RIPK4: variants seen among roughly 807,000 people sequenced by gnomAD.
RIPK4 encodes receptor interacting serine/threonine kinase 4.
Under a neutral mutation model 42.9 loss-of-function variants are expected in RIPK4, and 17 were observed. The observed-to-expected ratio is 0.40, with a 90% CI of 0.27 to 0.59. The LOEUF (loss-of-function observed/expected upper bound fraction) is 0.59, where lower values mean the gene tolerates loss of function less well. RIPK4 is among the 20% of genes least tolerant of loss of function. The probability of loss-of-function intolerance (pLI) is 0.47; values close to 1 mark genes in which losing one functional copy is unlikely to be tolerated. For synonymous variants in RIPK4, 498 were observed against 499.1 expected (o/e 1.00, Z 0.03); for missense variants, 897 against 1,104.4 (o/e 0.81, Z 2.66).
Position 41,740,522 on chromosome 21 carries a change from C to T in RIPK4, c.*316G>A, listed in dbSNP as rs1238730246. On this transcript the variant is annotated 3_prime_UTR_variant, in exon 8 of 8. Transcript: ENST00000332512. ...CCTCAGGAGAGAGTGGATGCTTCCA[C>T]GCCTGGGGCTTCATCACTGAGAGAC... The T allele has an allele frequency of 1.4e-5, 5 of 357,278 alleles. No individual in the cohort carries two copies. The highest frequency in any genetic ancestry group is 4.4e-5 in the Admixed American group (1 of 22,744). The allele number at this position is 357,278 out of a possible 1,614,324, so 22.1% of individuals were successfully genotyped here.
chr21:41,747,024 A>T (rs1258912737), intron 4 of RIPK4, among the ~76,000 whole-genome samples: 2 of 152,256 alleles, frequency 1.3e-5, no homozygotes, highest in Admixed American at 6.5e-5. Flanking sequence ...AGAAGGAGTC[A>T]GTGTGTTTGG....
chr21:41,752,014 A>C (rs1369189237), intron 2 of RIPK4, among the ~76,000 whole-genome samples: 1 of 151,658 alleles, frequency 6.6e-6, no homozygotes, highest in Non-Finnish European at 1.5e-5. Context: ...GTGACCTTGG[A>C]GCTCACTGGG....
Position 41,747,919 on chromosome 21 carries a change from G to A in RIPK4, c.674-1148C>T, listed in dbSNP as rs546183521. Among the ~76,000 whole-genome samples the A allele has an allele frequency of 2.3e-4, 35 of 152,296 alleles. No homozygotes were observed. In the South Asian group the frequency reaches 6.4e-3, roughly 28 times the overall value. On this transcript the variant is annotated intron_variant, in intron 4 of 7. Coordinates refer to ENST00000332512, the MANE Select transcript of RIPK4 (RefSeq NM_020639.3). Reference sequence around the variant, plus strand: ...GCGATGACCTTGAACAGTAGGACACGAATAATTCCCATATGATTAGCGTTC... The same window carrying A: ...GCGATGACCTTGAACAGTAGGACACAAATAATTCCCATATGATTAGCGTTC...
At chr21:41,754,768 G>C (rs139560894) in intron 2 of RIPK4, among the ~76,000 whole-genome samples, 1 of 151,698 alleles carries the variant, frequency 6.6e-6, no homozygotes, top group Non-Finnish European at 1.5e-5. Context: ...CCCAGCCTGC[G>C]GGCCACACAC....
chr21:41,749,315 G>A (rs144755780), intron 3 of RIPK4, 112 bp from the exon 4 acceptor site: 316 of 987,142 alleles, frequency 3.2e-4, no homozygotes, highest in Non-Finnish European at 4.0e-4. Flanking sequence ...TCCAAAGACA[G>A]AGCCATGACA....
rs576226127 is a variant in RIPK4 at position 41,749,995 on chromosome 21, G to A, written c.624-792C>T. Among the ~76,000 whole-genome samples, 11 of 151,700 alleles carry A rather than the reference G, an allele frequency of 7.3e-5. No homozygotes were observed. The South Asian group carries it at 2.1e-3, about 29-fold the overall frequency. On this transcript the variant is annotated intron_variant, in intron 3 of 7. Transcript: ENST00000332512. ...GTTTATAGACAACGAATTCACCATCGAAAATTAGTTCAAACGGCAGGTTCA... is the reference window on the plus strand; with the variant it reads ...GTTTATAGACAACGAATTCACCATCAAAAATTAGTTCAAACGGCAGGTTCA...
At chr21:41,743,602 A>G (rs563772895) in intron 7 of RIPK4, among the ~76,000 whole-genome samples, 67 of 152,284 alleles carry the variant, frequency 4.4e-4, no homozygotes, top group African/African-American at 1.6e-3. Context: ...GGGGTTTCCA[A>G]TCTGTAGACC....
At chr21:41,766,006 C>CA (rs1457040731) in intron 1 of RIPK4, among the ~76,000 whole-genome samples, 1 of 152,268 alleles carries the variant, frequency 6.6e-6, no homozygotes, top group African/African-American at 2.4e-5. Context: ...TTACCTTGAA[C>CA]ACTCCTGCTA....
In RIPK4 at chr21:41,755,987, G is replaced by A. The variant is rs189483295; in HGVS notation, c.474+538C>T. Among the ~76,000 whole-genome samples the A allele has an allele frequency of 5.8e-4, 89 of 152,318 alleles. No homozygotes were observed. Among genetic ancestry groups the A allele is most frequent in the African/African-American group, 2.0e-3 (85 of 41,568 alleles). ...TCCATCTCCCAGGCGTTGCACTAACGCAACACGCTGCCACTCCGCACTCTA... is the reference window on the plus strand; with the variant it reads ...TCCATCTCCCAGGCGTTGCACTAACACAACACGCTGCCACTCCGCACTCTA... On this transcript the variant is annotated intron_variant, in intron 2 of 7. Transcript: ENST00000332512. The surrounding 1 kb of genome is among the most constrained non-coding windows in gnomAD (Gnocchi z 4.2).
chr21:41,756,776 T>C lies in RIPK4; in HGVS notation c.223A>G (p.Met75Val). 6.2e-7 allele frequency: 1 copy of C among 1,613,996 alleles called. No homozygotes were observed. Among genetic ancestry groups the C allele is most frequent in the Non-Finnish European group, 8.5e-7 (1 of 1,179,876 alleles). ...ELLEEAKKME[M>V]AKFRYILPVY... ...GGCAGGATGTAGCGAAACTTGGCCA[T>C]CTCCATCTTCTTGGCTTCTTCCAAA... Residue 75 changes from methionine to valine, a missense_variant, in exon 2 of 8, where the codon ATG becomes GTG. Transcript: ENST00000332512.
chr21:41,756,339 A>G (rs1034976546), intron 2 of RIPK4, among the ~76,000 whole-genome samples, 186 bp downstream of exon 2: 1 of 152,210 alleles, frequency 6.6e-6, no homozygotes, highest in Non-Finnish European at 1.5e-5. Context: ...CATACCAACC[A>G]GGACAAGCTT....
chr21:41,763,461 G>C (rs1016045496), intron 1 of RIPK4, among the ~76,000 whole-genome samples: 1 of 152,146 alleles, frequency 6.6e-6, no homozygotes, highest in South Asian at 2.1e-4. Context: ...GAACTGCCCC[G>C]GGACATGGTC....
At chr21:41,761,910 T>G (rs2061221531) in intron 1 of RIPK4, among the ~76,000 whole-genome samples, 1 of 151,950 alleles carries the variant, frequency 6.6e-6, no homozygotes, top group African/African-American at 2.4e-5. Flanking sequence ...TGCACACCCC[T>G]CCCCAGCGCA....
intron 3 of RIPK4, among the ~76,000 whole-genome samples, chr21:41,750,533 A>G (rs1569103264): frequency 6.6e-6 from 1 of 152,182 alleles, no homozygotes; most frequent in Non-Finnish European, 1.5e-5. Context: ...GGGTCATGAA[A>G]TCACCAAGGC....
chr21:41,748,206 A>C (rs927241155), intron 4 of RIPK4, among the ~76,000 whole-genome samples: 5 of 152,234 alleles, frequency 3.3e-5, no homozygotes, highest in African/African-American at 9.6e-5. Flanking sequence ...AAAGCTGCCA[A>C]GATACTTGAT....
chr21:41,754,122 T>C (rs2146054640), intron 2 of RIPK4, among the ~76,000 whole-genome samples: 1 of 152,260 alleles, frequency 6.6e-6, no homozygotes, highest in East Asian at 1.9e-4. Context: ...TAGGATCTAA[T>C]TGCAGGATTC....
In RIPK4 at chr21:41,741,495, C is replaced by A; in HGVS notation, c.1698G>T (p.Gln566His). The change falls in exon 8 of 8, where the codon CAG becomes CAT. Residue 566 changes from glutamine to histidine, a missense_variant. Coordinates refer to ENST00000332512, the MANE Select transcript of RIPK4 (RefSeq NM_020639.3). ...GCAGTGGCAGCCAGGCATCCTTGCC[C>A]TGCAGGCTCACGTCCACGCCTCGGC... ...LLRRGVDVSL[Q>H]GKDAWLPLHY... The A allele has an allele frequency of 6.2e-7, 1 of 1,612,644 alleles. No homozygotes were observed. The highest frequency in any genetic ancestry group is 1.3e-5 in the African/African-American group (1 of 75,078).
chr21:41,763,275 C>T (rs1323580961), intron 1 of RIPK4, among the ~76,000 whole-genome samples: 1 of 152,230 alleles, frequency 6.6e-6, no homozygotes, highest in South Asian at 2.1e-4. Flanking sequence ...ATTTCGCCCT[C>T]CCAGGGAGGC....
intron 1 of RIPK4, among the ~76,000 whole-genome samples, chr21:41,765,556 C>T (rs1185056632): frequency 2.6e-5 from 4 of 152,218 alleles, no homozygotes; most frequent in Non-Finnish European, 4.4e-5. Context: ...TCCACAGAGG[C>T]GTCACAGTCA....
Sources: allele counts gnomAD v4.1 joint callset (sites outside exome capture counted in the v4.1 genomes callset), GRCh38; gene constraint gnomAD v4.1.1; non-coding constraint Gnocchi (gnomAD v3.1); transcripts MANE v1.5; gene names NCBI Gene and HGNC (gene_info 2026-07-23, HGNC 2026-07-21).